TMEFF2: variants seen among roughly 807,000 people sequenced by gnomAD.
TMEFF2 encodes the protein tomoregulin-2.
TMEFF2 carries 28 observed loss-of-function variants against 53.8 expected under a neutral mutation model. The ratio of observed to expected loss-of-function variants is 0.52; its 90% confidence interval spans 0.39 to 0.71. The LOEUF (loss-of-function observed/expected upper bound fraction) is 0.71. Among genes scored for constraint, TMEFF2 ranks in the 30% least tolerant of loss-of-function variants. The probability of loss-of-function intolerance (pLI) is 0.00; values close to 1 mark genes in which losing one functional copy is unlikely to be tolerated. For missense variants in TMEFF2, 353 were observed against 455.2 expected, an observed-to-expected ratio of 0.78 and a Z score of 2.04; for synonymous variants, 162 against 166.3, an observed-to-expected ratio of 0.97 and a Z score of 0.20.
chr2:192,106,890 G>C (rs149770684), intron 4 of TMEFF2, among the ~76,000 whole-genome samples: 1 of 151,770 alleles, frequency 6.6e-6, no homozygotes, highest in Non-Finnish European at 1.5e-5. Context: ...AAGTTTACTG[G>C]AAATGATGGC....
At position 192,194,857 on chromosome 2, in the gene TMEFF2, G is replaced by A. The variant is rs1691567912; in HGVS notation, c.-333C>T. 3.2e-6 allele frequency: 1 copy of A among 311,286 alleles called. No individual in the cohort carries two copies. Among genetic ancestry groups the A allele is most frequent in the African/African-American group, 2.2e-5 (1 of 45,778 alleles). The allele number at this position is 311,286 out of a possible 1,614,324, so 19.3% of individuals were successfully genotyped here. ...CAGGGGCAGACGAGTGGAGCCCGAG[G>A]AGGCAGGGTGGAGGGAGAGTCAAGG... On this transcript the variant is annotated 5_prime_UTR_variant, in exon 1 of 10. Coordinates refer to ENST00000272771, the MANE Select transcript of TMEFF2 (RefSeq NM_016192.4). The surrounding 1 kb of genome is among the most constrained non-coding windows in gnomAD (Gnocchi z 4.2).
At chr2:192,116,679 T>G (rs1167870130) in intron 4 of TMEFF2, among the ~76,000 whole-genome samples, 2 of 152,124 alleles carry the variant, frequency 1.3e-5, no homozygotes, top group Admixed American at 6.6e-5. Context: ...TTATTTAAAA[T>G]GTAACTACTT....
chr2:191,998,746 C>T (rs1046739923), intron 6 of TMEFF2, among the ~76,000 whole-genome samples: 1 of 151,996 alleles, frequency 6.6e-6, no homozygotes. Flanking sequence ...TTCTTAGATT[C>T]GTTTTAAAAA....
chr2:192,149,462 G>C (rs1366245543), intron 4 of TMEFF2, among the ~76,000 whole-genome samples: 1 of 151,886 alleles, frequency 6.6e-6, no homozygotes, highest in Non-Finnish European at 1.5e-5. Flanking sequence ...AATTTCATTT[G>C]GATCTCTTCT....
At chr2:192,050,461 T>A (rs1043236276) in intron 5 of TMEFF2, among the ~76,000 whole-genome samples, 1 of 152,190 alleles carries the variant, frequency 6.6e-6, no homozygotes, top group Non-Finnish European at 1.5e-5. Context: ...CAATTTTTTT[T>A]ATTTTTTACT....
chr2:192,191,332 T>C (rs751049899), intron 2 of TMEFF2, among the ~76,000 whole-genome samples: 26 of 152,262 alleles, frequency 1.7e-4, no homozygotes, highest in Admixed American at 7.2e-4. Flanking sequence ...TCAGTTCTAA[T>C]TGAGTGTGGT....
intron 4 of TMEFF2, chr2:192,176,928 A>C (rs973263579): frequency 6.6e-6 from 1 of 151,140 alleles, no homozygotes; most frequent in Non-Finnish European, 1.5e-5. Context: ...CACATGATAA[A>C]TGTTTTACAA....
At chr2:192,017,885 A>C (rs910582824) in intron 5 of TMEFF2, among the ~76,000 whole-genome samples, 1 of 152,186 alleles carries the variant, frequency 6.6e-6, no homozygotes, top group African/African-American at 2.4e-5. Flanking sequence ...CTTCTACTTG[A>C]GTTGACCCTC....
intron 5 of TMEFF2, among the ~76,000 whole-genome samples, chr2:192,006,038 T>G (rs1350406812): frequency 6.7e-6 from 1 of 150,306 alleles, no homozygotes; most frequent in Non-Finnish European, 1.5e-5. Flanking sequence ...GTCTCCCATG[T>G]CATTACTCAG....
Position 192,069,443 on chromosome 2 carries a change from A to G in TMEFF2, c.440-11668T>C, listed in dbSNP as rs117971013. Among the ~76,000 whole-genome samples the G allele has an allele frequency of 1.8e-4, 27 of 151,976 alleles. No homozygotes were observed. The East Asian group carries it at 5.0e-3, about 28-fold the overall frequency. On this transcript the variant is annotated intron_variant, in intron 4 of 9. Coordinates refer to ENST00000272771, the MANE Select transcript of TMEFF2 (RefSeq NM_016192.4). ...AAGAAAAATGTATCCTCAAACATTT[A>G]AGGACAGGAAGGTCAGATTTATTTG...
At chr2:192,140,664 T>G (rs941880625) in intron 4 of TMEFF2, among the ~76,000 whole-genome samples, 1 of 152,134 alleles carries the variant, frequency 6.6e-6, no homozygotes, top group African/African-American at 2.4e-5. Flanking sequence ...CGTATCAACA[T>G]TTCAAGGATT....
intron 4 of TMEFF2, among the ~76,000 whole-genome samples, chr2:192,098,347 A>G (rs192127414): frequency 6.6e-6 from 1 of 152,330 alleles, no homozygotes; most frequent in Admixed American, 6.5e-5. Context: ...TATGAAACCA[A>G]TATTTTCAAA....
chr2:192,041,180 C>A (rs1177282722), intron 5 of TMEFF2, among the ~76,000 whole-genome samples: 2 of 152,012 alleles, frequency 1.3e-5, no homozygotes, highest in African/African-American at 4.8e-5. Context: ...GGCAATTCCA[C>A]AAAATAGAGA....
At chr2:192,112,564 CTG>C (rs1305990309) in intron 4 of TMEFF2, among the ~76,000 whole-genome samples, 1 of 152,112 alleles carries the variant, frequency 6.6e-6, no homozygotes, top group Non-Finnish European at 1.5e-5. Flanking sequence ...ACTTTGGACT[CTG>C]GGCTTCTGAG....
At chr2:192,110,665 A>C (rs57999067) in intron 4 of TMEFF2, among the ~76,000 whole-genome samples, 2,848 of 152,238 alleles carry the variant, frequency 0.019, 77 homozygotes, top group African/African-American at 0.064. Flanking sequence ...TTGTACCATT[A>C]ATTTTTCATT....
chr2:192,161,009 G>A (rs1028365605), intron 4 of TMEFF2, among the ~76,000 whole-genome samples: 2 of 152,174 alleles, frequency 1.3e-5, no homozygotes, highest in Admixed American at 6.5e-5. Context: ...TTTATTGCTA[G>A]AGAATTGCTA....
chr2:192,180,746 C>A (rs554202698), intron 3 of TMEFF2, among the ~76,000 whole-genome samples: 1 of 151,622 alleles, frequency 6.6e-6, no homozygotes, highest in East Asian at 1.9e-4. Flanking sequence ...TAGAAAGAGG[C>A]ATGGTGTTTG....
At chr2:192,109,765 C>G (rs1376493064) in intron 4 of TMEFF2, among the ~76,000 whole-genome samples, 1 of 151,978 alleles carries the variant, frequency 6.6e-6, no homozygotes, top group African/African-American at 2.4e-5. Context: ...GTGTGCATGC[C>G]TGTGTGTAGG....
intron 4 of TMEFF2, among the ~76,000 whole-genome samples, chr2:192,060,664 T>C (rs1053582902): frequency 6.6e-6 from 1 of 152,170 alleles, no homozygotes; most frequent in Non-Finnish European, 1.5e-5. Context: ...ACACTCTCAG[T>C]AAATGTGTGC....
Sources: gnomAD v4.1 joint callset for allele counts (sites outside exome capture counted in the v4.1 genomes callset) on GRCh38, gnomAD v4.1.1 for gene constraint, Gnocchi (gnomAD v3.1) non-coding constraint, MANE v1.5 for transcripts, NCBI Gene and HGNC (gene_info 2026-07-23, HGNC 2026-07-21) for gene names.